Variants in NSG1 observed in about 807,000 individuals in gnomAD.
NSG1 encodes neuronal vesicle trafficking associated 1.
A neutral mutation model predicts 19.3 loss-of-function variants in NSG1; 9 were observed. That is an observed-to-expected ratio of 0.47 (90% CI 0.28 to 0.81). The LOEUF is 0.81. Among genes scored for constraint, NSG1 ranks in the 40% least tolerant of loss-of-function variants. The probability of loss-of-function intolerance (pLI) is 0.11; values close to 1 mark genes in which losing one functional copy is unlikely to be tolerated. For synonymous variants in NSG1, 104 were observed against 107.0 expected, an observed-to-expected ratio of 0.97 and a Z score of 0.17; for missense variants, 236 against 242.4, an observed-to-expected ratio of 0.97 and a Z score of 0.18.
At chr4:4,405,460 G>T (rs541330578) in intron 3 of NSG1, among the ~76,000 whole-genome samples, 2 of 152,166 alleles carry the variant, frequency 1.3e-5, no homozygotes, top group African/African-American at 4.8e-5. Context: ...CCTGAGATGC[G>T]TCAGGGTGTA....
At chr4:4,414,069 G>A (rs1724380400) in intron 4 of NSG1, among the ~76,000 whole-genome samples, 1 of 152,052 alleles carries the variant, frequency 6.6e-6, no homozygotes, top group African/African-American at 2.4e-5. Flanking sequence ...AAATAACTGA[G>A]GCCAGTGGCT....
chr4:4,402,456 C>T (rs1374654229), intron 3 of NSG1, among the ~76,000 whole-genome samples: 9 of 141,580 alleles, frequency 6.4e-5, no homozygotes, highest in African/African-American at 2.4e-4. Context: ...GGCGGGATCT[C>T]GGCTCACTGC....
intron 4 of NSG1, chr4:4,416,165 T>C (rs749226042): frequency 2.0e-5 from 14 of 702,264 alleles, no homozygotes; most frequent in East Asian, 2.7e-5. Context: ...GTGAGGGACC[T>C]GAGATTGAGA....
intron 3 of NSG1, among the ~76,000 whole-genome samples, chr4:4,400,308 C>G (rs140145898): frequency 2.0e-5 from 3 of 152,146 alleles, no homozygotes; most frequent in African/African-American, 7.2e-5. Context: ...AATTGTATTA[C>G]GTGGATTTAT....
intron 4 of NSG1, among the ~76,000 whole-genome samples, chr4:4,415,286 C>T (rs754673316): frequency 7.9e-5 from 12 of 152,258 alleles, no homozygotes; most frequent in East Asian, 7.8e-4. Flanking sequence ...TCAGTCCTCC[C>T]GTGCCCCACA....
At position 4,409,559 on chromosome 4, in the gene NSG1, A is replaced by G. The variant is rs2108749777; in HGVS notation, c.247-14A>G. On this transcript the variant is annotated splice_polypyrimidine_tract_variant and intron_variant, in intron 3 of 4. Coordinates refer to ENST00000621129, the MANE Select transcript of NSG1 (RefSeq NM_014392.5). Reference sequence around the variant, plus strand: ...CCTTCCGGCCACCCCTGACAGTCCCACCTCTGCCCACAGGTCTCCGTGTTG... The same window carrying G: ...CCTTCCGGCCACCCCTGACAGTCCCGCCTCTGCCCACAGGTCTCCGTGTTG... 6.2e-7 allele frequency: 1 copy of G among 1,608,828 alleles called. No homozygotes were observed. Among genetic ancestry groups the G allele is most frequent in the Non-Finnish European group, 8.5e-7 (1 of 1,175,884 alleles).
At chr4:4,407,164 G>A (rs1470648297) in intron 3 of NSG1, among the ~76,000 whole-genome samples, 1 of 152,020 alleles carries the variant, frequency 6.6e-6, no homozygotes, top group Non-Finnish European at 1.5e-5. Flanking sequence ...AGTTTCTCTG[G>A]CCCTTAGAGA....
At chr4:4,411,271 T>A (rs1410867819) in intron 4 of NSG1, among the ~76,000 whole-genome samples, 3 of 152,358 alleles carry the variant, frequency 2.0e-5, no homozygotes, top group Admixed American at 6.5e-5. Context: ...TATTAAAAAA[T>A]TTTTTAATTC....
At chr4:4,398,601 T>G (rs1047118108) in intron 3 of NSG1, among the ~76,000 whole-genome samples, 1 of 152,258 alleles carries the variant, frequency 6.6e-6, no homozygotes, top group Non-Finnish European at 1.5e-5. Context: ...CTCAGCTACG[T>G]TGTAGCACTT....
chr4:4,414,740 T>C (rs560315676), intron 4 of NSG1, among the ~76,000 whole-genome samples: 4 of 152,274 alleles, frequency 2.6e-5, no homozygotes, highest in African/African-American at 9.6e-5. Flanking sequence ...TTCAGTTCAC[T>C]TGGTACAGTC....
intron 3 of NSG1, 83 bp from the exon 4 acceptor site, chr4:4,409,488 TGG>T: frequency 1.1e-6 from 1 of 923,822 alleles, no homozygotes; most frequent in Non-Finnish European, 1.8e-6. Flanking sequence ...ACATGCTGTG[TGG>T]GGGGGGGCCT....
chr4:4,401,774 C>A (rs1723558236), intron 3 of NSG1, among the ~76,000 whole-genome samples: 1 of 152,128 alleles, frequency 6.6e-6, no homozygotes, highest in Non-Finnish European at 1.5e-5. Context: ...CTTTGGCCAT[C>A]ATGGACCCCT....
chr4:4,388,389 C>A (rs925912903), intron 2 of NSG1, among the ~76,000 whole-genome samples: 5 of 152,256 alleles, frequency 3.3e-5, no homozygotes, highest in Non-Finnish European at 7.3e-5. Context: ...AACCATTCAT[C>A]AACCTTTCCC....
In NSG1 at chr4:4,406,770, C is replaced by T. The variant is rs573903492; in HGVS notation, c.247-2803C>T. On this transcript the variant is annotated intron_variant, in intron 3 of 4. Transcript: ENST00000621129. ...AGGCTGGAGCCAGGTGCCAGACTCC[C>T]GGCCAGTGAGCTAGAGCCGCAGGGT... Among the ~76,000 whole-genome samples, 11 of 152,314 alleles carry T rather than the reference C, an allele frequency of 7.2e-5. No homozygotes were observed. The East Asian group carries it at 1.9e-3, about 27-fold the overall frequency.
intron 4 of NSG1, among the ~76,000 whole-genome samples, chr4:4,415,106 C>G (rs1724449425): frequency 6.6e-6 from 1 of 151,998 alleles, no homozygotes; most frequent in African/African-American, 2.4e-5. Flanking sequence ...CACGTTCTTG[C>G]TATGTTGCCC....
chr4:4,415,833 G>C, intron 4 of NSG1: 1 of 435,862 alleles, frequency 2.3e-6, no homozygotes, highest in South Asian at 2.6e-5. Flanking sequence ...ACGAGCAGCA[G>C]ATGGAGAGGA....
chr4:4,416,690 C>T (rs573550873), intron 4 of NSG1, among the ~76,000 whole-genome samples: 1 of 152,132 alleles, frequency 6.6e-6, no homozygotes, highest in African/African-American at 2.4e-5. Context: ...CCTACCCCCT[C>T]GCCATCTTCC....
At chr4:4,395,151 C>A (rs952247793) in intron 3 of NSG1, among the ~76,000 whole-genome samples, 4 of 152,208 alleles carry the variant, frequency 2.6e-5, no homozygotes, top group African/African-American at 9.7e-5. Flanking sequence ...AGGAGATTTA[C>A]CTAGCTCCCT....
chr4:4,394,404 A>G (rs1723144604), intron 3 of NSG1, among the ~76,000 whole-genome samples: 1 of 151,974 alleles, frequency 6.6e-6, no homozygotes, highest in Non-Finnish European at 1.5e-5. Flanking sequence ...TGTCTTTCTG[A>G]GTCCTGGTTT....
Sources: gnomAD v4.1 joint callset for allele counts (sites outside exome capture counted in the v4.1 genomes callset) on GRCh38, gnomAD v4.1.1 for gene constraint, MANE v1.5 for transcripts, NCBI Gene and HGNC (gene_info 2026-07-23, HGNC 2026-07-21) for gene names.